The following ITPR1 variants were observed in gnomAD, a reference collection of about 807,000 sequenced individuals.
The protein encoded by ITPR1 is inositol 1,4,5-trisphosphate-gated calcium channel ITPR1.
Under a neutral mutation model 318.4 loss-of-function variants are expected in ITPR1, and 96 were observed. The ratio of observed to expected loss-of-function variants is 0.30; its 90% CI spans 0.26 to 0.36. The LOEUF (loss-of-function observed/expected upper bound fraction) is 0.36. Ranked by LOEUF, ITPR1 falls within the 10% of genes least tolerant of loss-of-function variation. The pLI, the probability that ITPR1 is intolerant of heterozygous loss-of-function variation, is 1.00. For missense variants in ITPR1, 2,440 were observed against 3,460.2 expected, an observed-to-expected ratio of 0.71 and a Z score of 7.40; for synonymous variants, 1,312 against 1,289.9, an observed-to-expected ratio of 1.02 and a Z score of -0.37.
chr3:4,701,948 C>G (rs1442097140), intron 35 of ITPR1, among the ~76,000 whole-genome samples: 1 of 152,100 alleles, frequency 6.6e-6, no homozygotes, highest in Non-Finnish European at 1.5e-5. Context: ...TCGGGGTTTT[C>G]AATACTTTTT....
At chr3:4,584,619 A>C (rs973933677) in intron 4 of ITPR1, among the ~76,000 whole-genome samples, 2 of 151,982 alleles carry the variant, frequency 1.3e-5, no homozygotes, top group Admixed American at 1.3e-4. Context: ...AGGGGGCCGA[A>C]GGAAACGTTT....
intron 2 of ITPR1, among the ~76,000 whole-genome samples, chr3:4,503,408 G>A (rs56269779): frequency 0.26 from 39,586 of 152,004 alleles, 5,252 homozygotes; most frequent in Admixed American, 0.34. Flanking sequence ...TAGAATAGGT[G>A]TAAAAATAAA....
Position 4,645,606 on chromosome 3 carries a change from G to A in ITPR1, c.733G>A (p.Ala245Thr). The change falls in exon 10 of 62, where the codon GCT becomes ACT. Residue 245 changes from alanine (A) to threonine (T), a missense_variant. Around this residue, in one of 23 missense-constraint regions of ITPR1, gnomAD observed 186 missense variants for 323.9 expected, o/e 0.57. Transcript: ENST00000649015. ...KGGDVVRLFH[A>T]EQEKFLTCDE... The stretch of plus-strand genomic sequence containing the variant: ...GGGTGACGTGGTGAGGCTGTTTCAT[G>A]CTGAGCAGGAGAAGTTTCTCACCTG... 6.2e-7 allele frequency: 1 copy of A among 1,613,532 alleles called. No individual in the cohort carries two copies. The highest frequency in any genetic ancestry group is 8.5e-7 in the Non-Finnish European group (1 of 1,179,744).
intron 30 of ITPR1, among the ~76,000 whole-genome samples, chr3:4,686,043 C>G (rs773619761): frequency 3.2e-4 from 49 of 152,144 alleles, no homozygotes; most frequent in Non-Finnish European, 6.3e-4. Context: ...CATGCTGAGG[C>G]CTTTATACAC....
intron 47 of ITPR1, 27 bp downstream of exon 47, chr3:4,775,469 G>A (rs1361999743): frequency 5.2e-6 from 8 of 1,551,816 alleles, no homozygotes; most frequent in South Asian, 1.1e-5. Context: ...TTTGGGATGG[G>A]GAAAAAAAGT....
chr3:4,795,424 A>G (rs2047836435), intron 53 of ITPR1, among the ~76,000 whole-genome samples: 1 of 152,234 alleles, frequency 6.6e-6, no homozygotes, highest in Non-Finnish European at 1.5e-5. Flanking sequence ...GCTAGATACT[A>G]TTAAACCTGT....
At chr3:4,768,143 A>G (rs780414079) in intron 45 of ITPR1, 3 of 186,844 alleles carry the variant, frequency 1.6e-5, no homozygotes, top group African/African-American at 2.3e-5. Context: ...TGTGATTAGC[A>G]TTATGTTGAG....
intron 12 of ITPR1, among the ~76,000 whole-genome samples, chr3:4,657,105 C>T (rs1417298386): frequency 6.6e-6 from 1 of 152,228 alleles, no homozygotes; most frequent in African/African-American, 2.4e-5. Context: ...GGCCCGTCTT[C>T]CCTGACCTGT....
rs1415018056 is a variant in ITPR1, at chr3:4,601,348, A to G, written c.164-26415A>G. On this transcript the variant is annotated intron_variant, in intron 4 of 61. Transcript: ENST00000649015. The stretch of plus-strand genomic sequence containing the variant: ...AGCCTGGGCAACATGGTGAAACCCT[A>G]TGTGTGCAAAAAATACAAAAATTAG... Among the ~76,000 whole-genome samples, 3 of 151,256 alleles carry G rather than the reference A, an allele frequency of 2.0e-5. No homozygotes were observed. The East Asian group carries it at 5.8e-4, about 29-fold the overall frequency.
At chr3:4,572,765 A>G (rs1052724145) in intron 4 of ITPR1, among the ~76,000 whole-genome samples, 76 of 152,188 alleles carry the variant, frequency 5.0e-4, no homozygotes, top group African/African-American at 1.8e-3. Flanking sequence ...CCCAGCTGCT[A>G]GTAACTACCA....
intron 49 of ITPR1, 27 bp from the exon 50 acceptor site, chr3:4,782,592 T>G: frequency 6.3e-7 from 1 of 1,586,586 alleles, no homozygotes. Context: ...TGAAACAGGA[T>G]TTTTGTTCCC....
chr3:4,645,901 A>G (rs2093445657), intron 10 of ITPR1, 173 bp downstream of exon 10: 3 of 622,764 alleles, frequency 4.8e-6, no homozygotes, highest in Admixed American at 3.0e-5. Flanking sequence ...GTATATATAT[A>G]AGTCACAAAC....
chr3:4,836,083 G>C (rs750086528), intron 60 of ITPR1, among the ~76,000 whole-genome samples: 1 of 152,146 alleles, frequency 6.6e-6, no homozygotes, highest in Non-Finnish European at 1.5e-5. Flanking sequence ...ACATGCACAC[G>C]TATCTGTTAA....
chr3:4,784,461 C>A (rs921270136), intron 51 of ITPR1, among the ~76,000 whole-genome samples: 3 of 151,990 alleles, frequency 2.0e-5, no homozygotes, highest in Admixed American at 2.0e-4. Flanking sequence ...CTCACAGGGT[C>A]CTATCAACCA....
At chr3:4,496,226 G>C (rs994399935) in intron 2 of ITPR1, among the ~76,000 whole-genome samples, 2 of 152,224 alleles carry the variant, frequency 1.3e-5, no homozygotes, top group Admixed American at 6.5e-5. Flanking sequence ...ACTGCAATGT[G>C]AAATGTTGAT....
At chr3:4,744,084 C>T (rs1026434484) in intron 44 of ITPR1, among the ~76,000 whole-genome samples, 2 of 152,192 alleles carry the variant, frequency 1.3e-5, no homozygotes, top group Non-Finnish European at 2.9e-5. Context: ...GATCCGCCCG[C>T]CTCAGCCTCC....
At chr3:4,596,764 A>G (rs192118284) in intron 4 of ITPR1, among the ~76,000 whole-genome samples, 157 of 152,300 alleles carry the variant, frequency 1.0e-3, no homozygotes, top group African/African-American at 3.4e-3. Context: ...ATACCCTGGC[A>G]GTGTTTAAAC....
chr3:4,650,222 T>A (rs1399062656), intron 10 of ITPR1, among the ~76,000 whole-genome samples: 1 of 152,210 alleles, frequency 6.6e-6, no homozygotes, highest in Admixed American at 6.5e-5. Flanking sequence ...TGTGGATATA[T>A]GTTCTCAAGG....
intron 51 of ITPR1, among the ~76,000 whole-genome samples, chr3:4,784,582 T>TTATTA (rs753432146): frequency 6.8e-6 from 1 of 146,450 alleles, no homozygotes; most frequent in Non-Finnish European, 1.5e-5. Context: ...TTTTTTTTTT[T>TTATTA]AAAAAAGGTG....
Sources: gnomAD v4.1 joint callset for allele counts (sites outside exome capture counted in the v4.1 genomes callset) on GRCh38, gnomAD v4.1.1 for gene constraint, gnomAD v4.1.1 regional missense constraint, MANE v1.5 for transcripts, NCBI Gene and HGNC (gene_info 2026-07-23, HGNC 2026-07-21) for gene names.